Variants in NEBL observed in about 807,000 individuals in gnomAD.
NEBL encodes the protein nebulette.
In NEBL, 122 loss-of-function variants were observed where a neutral mutation model predicts 140.2. The observed-to-expected ratio is 0.87, with a 90% CI of 0.75 to 1.01. The LOEUF is 1.01. Among genes scored for constraint, NEBL ranks in the 50% least tolerant of loss-of-function variants. NEBL has a pLI of 0.00. For missense variants in NEBL, 1,365 were observed against 1,231.3 expected (o/e 1.11, Z -1.62); for synonymous variants, 436 against 398.9 (o/e 1.09, Z -1.11).
chr10:20,888,453 T>A (rs1846728459), intron 3 of NEBL, among the ~76,000 whole-genome samples: 1 of 152,248 alleles, frequency 6.6e-6, no homozygotes, highest in Admixed American at 6.5e-5. Flanking sequence ...TCTATTTAAA[T>A]GCAAGCACAT....
chr10:20,920,175 G>A (rs1031779933), intron 4 of NEBL, among the ~76,000 whole-genome samples: 6 of 152,174 alleles, frequency 3.9e-5, no homozygotes, highest in African/African-American at 1.4e-4. Context: ...TGGAAAAACA[G>A]GCCCTGTCAT....
At chr10:20,857,646 G>C (rs556314450) in intron 9 of NEBL, among the ~76,000 whole-genome samples, 13 of 152,214 alleles carry the variant, frequency 8.5e-5, no homozygotes, top group South Asian at 2.1e-4. Flanking sequence ...AGCATTCAGC[G>C]TAGTGAGAGT....
At chr10:21,077,390 G>A (rs1183157866) in intron 2 of NEBL, among the ~76,000 whole-genome samples, 1 of 152,122 alleles carries the variant, frequency 6.6e-6, no homozygotes, top group African/African-American at 2.4e-5. Context: ...GGGTCACAAG[G>A]TCAGGAGATA....
chr10:20,841,895 A>G (rs572412359), intron 12 of NEBL, among the ~76,000 whole-genome samples: 27 of 152,148 alleles, frequency 1.8e-4, no homozygotes, highest in African/African-American at 6.5e-4. Context: ...AATAGTTTGA[A>G]TTTCACCCAT....
At chr10:21,066,582 C>G (rs1024322607) in intron 2 of NEBL, among the ~76,000 whole-genome samples, 1 of 152,084 alleles carries the variant, frequency 6.6e-6, no homozygotes, top group African/African-American at 2.4e-5. Context: ...TGTCAATGGC[C>G]AAAGCAAACA....
chr10:21,058,563 A>AAAAAAAAACAACTTGT (rs1218725147), intron 2 of NEBL, among the ~76,000 whole-genome samples: 2 of 151,396 alleles, frequency 1.3e-5, no homozygotes, highest in Non-Finnish European at 2.9e-5. Flanking sequence ...GTAGTGTATT[A>AAAAAAAAACAACTTGT]AAAAAAAACA....
At chr10:20,980,868 A>T (rs1837011072) in intron 3 of NEBL, among the ~76,000 whole-genome samples, 1 of 152,218 alleles carries the variant, frequency 6.6e-6, no homozygotes, top group Non-Finnish European at 1.5e-5. Context: ...TCCTTCTAAC[A>T]GGCAAGAATT....
At chr10:21,064,664 T>C (rs1297509481) in intron 2 of NEBL, among the ~76,000 whole-genome samples, 1 of 152,212 alleles carries the variant, frequency 6.6e-6, no homozygotes, top group East Asian at 1.9e-4. Flanking sequence ...CTAATTACTA[T>C]TTTGAAAAAT....
chr10:21,209,454 T>C (rs1841881334), intron 3 of NEBL, among the ~76,000 whole-genome samples: 1 of 152,164 alleles, frequency 6.6e-6, no homozygotes, highest in South Asian at 2.1e-4. Flanking sequence ...TTTTCATGGA[T>C]ACATTGCCCC....
intron 3 of NEBL, among the ~76,000 whole-genome samples, chr10:21,018,203 C>T (rs1251451372): frequency 6.6e-6 from 1 of 152,046 alleles, no homozygotes; most frequent in East Asian, 1.9e-4. Context: ...CCTCAGACAC[C>T]CTATAAATTT....
At chr10:21,261,392 G>A (rs1260366818) in intron 1 of NEBL, among the ~76,000 whole-genome samples, 11 of 152,122 alleles carry the variant, frequency 7.2e-5, no homozygotes, top group Non-Finnish European at 1.3e-4. Flanking sequence ...TGGGCACAGC[G>A]GCTCACACTG....
chr10:21,242,539 T>C (rs1272204426), intron 3 of NEBL, among the ~76,000 whole-genome samples: 1 of 152,110 alleles, frequency 6.6e-6, no homozygotes, highest in Non-Finnish European at 1.5e-5. Context: ...AAATAATCCG[T>C]ACACCAAACC....
intron 3 of NEBL, among the ~76,000 whole-genome samples, chr10:21,244,489 TA>T (rs1487063525): frequency 6.6e-6 from 1 of 151,428 alleles, no homozygotes; most frequent in Non-Finnish European, 1.5e-5. Context: ...CCATCTCTAC[TA>T]AAAATACAAG....
chr10:20,870,636 C>T lies in NEBL; in HGVS notation c.481-795G>A, dbSNP rs1844827693. On this transcript the variant is annotated intron_variant, in intron 5 of 27. Transcript: ENST00000377122. ...TCCAGCATTTGCCCTTTCAACTACA[C>T]ACTTCTCTCCCTTCAAATGTTCAAA... Among the ~76,000 whole-genome samples, 3 of 152,166 alleles carry T rather than the reference C, an allele frequency of 2.0e-5. No homozygotes were observed. The South Asian group carries it at 6.2e-4, about 32-fold the overall frequency.
At chr10:20,921,757 A>G (rs1564444200) in intron 4 of NEBL, among the ~76,000 whole-genome samples, 1 of 151,208 alleles carries the variant, frequency 6.6e-6, no homozygotes, top group African/African-American at 2.4e-5. Flanking sequence ...ACATACACAT[A>G]TCCATGCACA....
intron 2 of NEBL, among the ~76,000 whole-genome samples, chr10:21,104,147 C>G (rs969222520): frequency 6.6e-6 from 1 of 152,198 alleles, no homozygotes; most frequent in African/African-American, 2.4e-5. Flanking sequence ...TATTACCACA[C>G]TGTCCTGATT....
chr10:20,803,444 A>C (rs989908323), intron 26 of NEBL, among the ~76,000 whole-genome samples: 12 of 152,224 alleles, frequency 7.9e-5, no homozygotes, highest in African/African-American at 2.9e-4. Context: ...CCATTATAGC[A>C]GTGGTACTCA....
At chr10:20,879,882 G>A (rs1250556802) in intron 5 of NEBL, among the ~76,000 whole-genome samples, 2 of 152,138 alleles carry the variant, frequency 1.3e-5, no homozygotes, top group Non-Finnish European at 2.9e-5. Flanking sequence ...AGGCCACCAG[G>A]ATGGTGGTGG....
At chr10:21,183,408 C>A (rs1841415463) in intron 3 of NEBL, among the ~76,000 whole-genome samples, 1 of 152,070 alleles carries the variant, frequency 6.6e-6, no homozygotes, top group Admixed American at 6.5e-5. Flanking sequence ...CCAGAAAGAG[C>A]ACAGATGCAG....
Sources: allele counts gnomAD v4.1 joint callset (sites outside exome capture counted in the v4.1 genomes callset), GRCh38; gene constraint gnomAD v4.1.1; transcripts MANE v1.5; gene names NCBI Gene and HGNC (gene_info 2026-07-23, HGNC 2026-07-21).